GPC6: variants seen among roughly 807,000 people sequenced by gnomAD.
GPC6 encodes the protein glypican 6.
In GPC6, 14 loss-of-function variants were observed where a neutral mutation model predicts 55.2. That is an observed-to-expected ratio of 0.25 (90% CI 0.17 to 0.40). GPC6 has a LOEUF of 0.40. Ranked by LOEUF, GPC6 falls within the 10% of genes least tolerant of loss-of-function variation. The pLI, the probability that GPC6 is intolerant of heterozygous loss-of-function variation, is 1.00. For missense variants in GPC6, 641 were observed against 708.5 expected, an observed-to-expected ratio of 0.90 and a Z score of 1.08; for synonymous variants, 278 against 259.6, an observed-to-expected ratio of 1.07 and a Z score of -0.68.
In GPC6 at chr13:94,402,998, C is replaced by A. The variant is rs376764923; in HGVS notation, c.1466-17C>A. 2.9e-5 allele frequency: 46 copies of A among 1,580,918 alleles called. No individual in the cohort carries two copies. The highest frequency in any genetic ancestry group is 3.7e-5 in the Non-Finnish European group (43 of 1,149,696). On this transcript the variant is annotated splice_polypyrimidine_tract_variant and intron_variant, in intron 8 of 8. Coordinates refer to ENST00000377047, the MANE Select transcript of GPC6 (RefSeq NM_005708.5). ...ATATCAGTGGTCTAACTTTCTTTTT[C>A]AATCTTTCCACACTAGGTGATGAAT...
chr13:94,142,322 A>G (rs896758200), intron 4 of GPC6, among the ~76,000 whole-genome samples: 4 of 152,216 alleles, frequency 2.6e-5, no homozygotes, highest in African/African-American at 9.6e-5. Context: ...AATAGATGAC[A>G]TGATTTAATA....
chr13:94,146,246 T>G (rs2138888141), intron 4 of GPC6, among the ~76,000 whole-genome samples: 1 of 152,158 alleles, frequency 6.6e-6, no homozygotes, highest in South Asian at 2.1e-4. Context: ...ATTGTAGATG[T>G]GCAATATATG....
chr13:93,776,278 C>A (rs1404059501), intron 2 of GPC6, among the ~76,000 whole-genome samples: 1 of 152,070 alleles, frequency 6.6e-6, no homozygotes, highest in Non-Finnish European at 1.5e-5. Flanking sequence ...GTATTCAACC[C>A]TTACTATGTG....
At chr13:93,339,988 T>C (rs1487095253) in intron 1 of GPC6, among the ~76,000 whole-genome samples, 1 of 149,100 alleles carries the variant, frequency 6.7e-6, no homozygotes, top group Non-Finnish European at 1.5e-5. Flanking sequence ...GTTTAGTTAA[T>C]AATAATCCAT....
chr13:94,139,076 G>C (rs543237815), intron 4 of GPC6, among the ~76,000 whole-genome samples: 1 of 151,434 alleles, frequency 6.6e-6, no homozygotes, highest in African/African-American at 2.4e-5. Context: ...GTAGGAGTTA[G>C]CTGGGGGAAA....
chr13:93,459,149 C>T (rs1878585137), intron 1 of GPC6, among the ~76,000 whole-genome samples: 1 of 152,188 alleles, frequency 6.6e-6, no homozygotes, highest in African/African-American at 2.4e-5. Context: ...GTCTTAACCT[C>T]CTGGATTCAA....
chr13:93,340,049 TTTTTG>T (rs1880194412), intron 1 of GPC6, among the ~76,000 whole-genome samples: 1 of 124,614 alleles, frequency 8.0e-6, no homozygotes, highest in African/African-American at 3.1e-5. Context: ...TTTTTTTTTT[TTTTTG>T]AGACGGAGTC....
intron 1 of GPC6, among the ~76,000 whole-genome samples, chr13:93,325,910 A>G (rs773858329): frequency 1.7e-4 from 26 of 152,140 alleles, no homozygotes; most frequent in Non-Finnish European, 2.8e-4. Flanking sequence ...CCCTGCCTGC[A>G]TGGTTACCAC....
At chr13:93,864,247 T>C (rs2139029819) in intron 3 of GPC6, among the ~76,000 whole-genome samples, 1 of 151,792 alleles carries the variant, frequency 6.6e-6, no homozygotes, top group Non-Finnish European at 1.5e-5. Flanking sequence ...ATAACTGCCT[T>C]TCTCTTTCTT....
At chr13:93,835,527 C>T (rs2138989766) in intron 3 of GPC6, among the ~76,000 whole-genome samples, 1 of 152,254 alleles carries the variant, frequency 6.6e-6, no homozygotes. Flanking sequence ...CCGAGACAGG[C>T]AGATTACCTG....
At chr13:93,957,447 C>T (rs1221593128) in intron 3 of GPC6, among the ~76,000 whole-genome samples, 1 of 152,184 alleles carries the variant, frequency 6.6e-6, no homozygotes, top group African/African-American at 2.4e-5. Flanking sequence ...CAATGTTTAG[C>T]TCCCTCTTAT....
chr13:94,258,152 A>G (rs1453529954), intron 4 of GPC6, among the ~76,000 whole-genome samples: 15 of 152,202 alleles, frequency 9.9e-5, no homozygotes. Flanking sequence ...TTGACAGTTA[A>G]GTGTCATAGT....
At chr13:94,263,561 C>T (rs1475932820) in intron 4 of GPC6, among the ~76,000 whole-genome samples, 1 of 152,100 alleles carries the variant, frequency 6.6e-6, no homozygotes, top group Non-Finnish European at 1.5e-5. Context: ...GAGAAAATGG[C>T]TCTTCCCTCT....
intron 1 of GPC6, among the ~76,000 whole-genome samples, chr13:93,305,941 A>C (rs879056985): frequency 2.6e-5 from 4 of 152,240 alleles, no homozygotes; most frequent in Admixed American, 2.6e-4. Context: ...TTAAAACCAA[A>C]GAGCAGAAAG....
At chr13:94,105,282 C>G (rs977690870) in intron 4 of GPC6, among the ~76,000 whole-genome samples, 3 of 152,066 alleles carry the variant, frequency 2.0e-5, no homozygotes, top group Non-Finnish European at 1.5e-5. Context: ...TTGCCTGAGC[C>G]CAAGAGTTTG....
At chr13:94,401,754 AT>A (rs942821238) in intron 8 of GPC6, among the ~76,000 whole-genome samples, 19 of 152,068 alleles carry the variant, frequency 1.2e-4, no homozygotes, top group African/African-American at 4.6e-4. Flanking sequence ...TCTTCACTTG[AT>A]TTTTTTCAAA....
At chr13:93,255,319 A>C (rs1444704633) in intron 1 of GPC6, among the ~76,000 whole-genome samples, 3 of 152,188 alleles carry the variant, frequency 2.0e-5, no homozygotes, top group Admixed American at 6.5e-5. Context: ...CATCACCTTA[A>C]AGATTTATCT....
At chr13:94,349,539 T>A (rs1467973981) in intron 6 of GPC6, among the ~76,000 whole-genome samples, 2 of 152,210 alleles carry the variant, frequency 1.3e-5, no homozygotes, top group East Asian at 3.8e-4. Context: ...AATGTCTCTA[T>A]AATCTATCCT....
At chr13:93,280,375 T>A (rs1877909140) in intron 1 of GPC6, among the ~76,000 whole-genome samples, 1 of 152,182 alleles carries the variant, frequency 6.6e-6, no homozygotes, top group Non-Finnish European at 1.5e-5. Flanking sequence ...CCAAATAATG[T>A]ACCTGGTCAG....
Sources: allele counts gnomAD v4.1 joint callset (sites outside exome capture counted in the v4.1 genomes callset), GRCh38; gene constraint gnomAD v4.1.1; transcripts MANE v1.5; gene names NCBI Gene and HGNC (gene_info 2026-07-23, HGNC 2026-07-21).